KCNG2: variants seen among roughly 807,000 people sequenced by gnomAD.
The protein encoded by KCNG2 is voltage-gated potassium channel regulatory subunit KCNG2.
Under a neutral mutation model 12.3 loss-of-function variants are expected in KCNG2, and 7 were observed. The observed-to-expected ratio is 0.57, with a 90% CI of 0.32 to 1.07. The LOEUF is 1.07. KCNG2 is among the 50% of genes least tolerant of loss of function. The pLI, the probability that KCNG2 is intolerant of heterozygous loss-of-function variation, is 0.04. For synonymous variants in KCNG2, 414 were observed against 351.4 expected (o/e 1.18, Z -1.99); for missense variants, 703 against 726.0 (o/e 0.97, Z 0.36).
At chr18:79,799,836 G>A (rs1335778045) in intron 1 of KCNG2, among the ~76,000 whole-genome samples, 6 of 152,048 alleles carry the variant, frequency 3.9e-5, no homozygotes, top group Non-Finnish European at 7.4e-5. Context: ...GCTATGATTC[G>A]GGGTTTCTGC....
intron 1 of KCNG2, among the ~76,000 whole-genome samples, chr18:79,844,746 A>T (rs1978567265): frequency 6.6e-6 from 1 of 152,242 alleles, no homozygotes; most frequent in Non-Finnish European, 1.5e-5. Context: ...AAAAACGGTG[A>T]TATCAAGTGC....
chr18:79,859,780 G>GACTATTCA (rs1979147766), intron 2 of KCNG2, among the ~76,000 whole-genome samples: 1 of 152,202 alleles, frequency 6.6e-6, no homozygotes, highest in East Asian at 1.9e-4. Flanking sequence ...ACTGACGGTA[G>GACTATTCA]ATTTATGGGT....
At chr18:79,851,001 G>A (rs752627991) in intron 1 of KCNG2, among the ~76,000 whole-genome samples, 4 of 152,218 alleles carry the variant, frequency 2.6e-5, no homozygotes, top group Non-Finnish European at 5.9e-5. Context: ...CAGACCCCCA[G>A]AGAGGGTTCT....
chr18:79,801,038 A>G (rs1214441502), intron 1 of KCNG2, among the ~76,000 whole-genome samples: 2 of 152,186 alleles, frequency 1.3e-5, no homozygotes, highest in Admixed American at 1.3e-4. Context: ...CCCTCTGCAG[A>G]CAGCCATGCG....
chr18:79,860,450 A>G (rs1183157450), intron 2 of KCNG2, among the ~76,000 whole-genome samples: 5 of 152,058 alleles, frequency 3.3e-5, no homozygotes, highest in Non-Finnish European at 4.4e-5. Context: ...AATTTCTTCC[A>G]CCAATGTTTG....
At chr18:79,881,819 T>TTCACGA (rs1980306242) in intron 3 of KCNG2, among the ~76,000 whole-genome samples, 1 of 152,238 alleles carries the variant, frequency 6.6e-6, no homozygotes, top group Admixed American at 6.5e-5. Flanking sequence ...ACTGCCTGCT[T>TTCACGA]TCACGATTTG....
intron 1 of KCNG2, among the ~76,000 whole-genome samples, chr18:79,853,820 C>T (rs1978909815): frequency 6.6e-6 from 1 of 152,254 alleles, no homozygotes; most frequent in Non-Finnish European, 1.5e-5. Flanking sequence ...ATGTGGCTCC[C>T]TCCAGGGCCC....
intron 2 of KCNG2, among the ~76,000 whole-genome samples, chr18:79,858,996 C>T (rs1175678256): frequency 6.6e-6 from 1 of 152,100 alleles, no homozygotes; most frequent in African/African-American, 2.4e-5. Flanking sequence ...GGACTTGCAG[C>T]TCTTTTTTTT....
At chr18:79,811,775 T>C (rs570717090) in intron 1 of KCNG2, among the ~76,000 whole-genome samples, 1 of 152,230 alleles carries the variant, frequency 6.6e-6, no homozygotes, top group African/African-American at 2.4e-5. Flanking sequence ...AAATGAAAGA[T>C]ATAAAAAAGA....
intron 1 of KCNG2, among the ~76,000 whole-genome samples, chr18:79,844,355 T>C (rs530865918): frequency 2.0e-4 from 31 of 151,890 alleles, no homozygotes; most frequent in Non-Finnish European, 4.1e-4. Context: ...TCTAAGAAAG[T>C]TGAACTCACA....
intron 2 of KCNG2, among the ~76,000 whole-genome samples, chr18:79,861,282 T>G (rs1278141577): frequency 6.9e-6 from 1 of 145,864 alleles, no homozygotes; most frequent in African/African-American, 2.5e-5. Context: ...TCTTTTTTTT[T>G]TTTTTTTTTT....
chr18:79,849,500 T>C (rs1978742163), intron 1 of KCNG2, among the ~76,000 whole-genome samples: 1 of 152,240 alleles, frequency 6.6e-6, no homozygotes, highest in Non-Finnish European at 1.5e-5. Context: ...GAGCCGCATC[T>C]GGACAGGCCG....
At position 79,800,445 on chromosome 18, in the gene KCNG2, G is replaced by C. The variant is rs1179896985; in HGVS notation, c.-115+2431G>C. Reference sequence around the variant, plus strand: ...TGCCATCAGGTAGCCCAGCCGGTAGGCATGAGTCCAACGAGGGCGGGCATT... The same window carrying C: ...TGCCATCAGGTAGCCCAGCCGGTAGCCATGAGTCCAACGAGGGCGGGCATT... On this transcript the variant is annotated intron_variant, in intron 1 of 3. Coordinates refer to ENST00000316249, the MANE Select transcript of KCNG2 (RefSeq NM_012283.2). This position sits in a 1 kb window ranked among gnomAD's most constrained non-coding sequence, Gnocchi z 4.0. Among the ~76,000 whole-genome samples, 1 of 152,176 alleles carries C rather than the reference G, an allele frequency of 6.6e-6. No homozygotes were observed. Among genetic ancestry groups the C allele is most frequent in the Non-Finnish European group, 1.5e-5 (1 of 68,040 alleles).
At chr18:79,843,549 A>G (rs550468403) in intron 1 of KCNG2, among the ~76,000 whole-genome samples, 22 of 152,380 alleles carry the variant, frequency 1.4e-4, no homozygotes, top group Admixed American at 1.1e-3. Flanking sequence ...TAATTTGTTA[A>G]TGGATACATA....
intron 1 of KCNG2, among the ~76,000 whole-genome samples, chr18:79,809,443 G>A (rs1293672774): frequency 6.8e-6 from 1 of 146,172 alleles, no homozygotes; most frequent in Non-Finnish European, 1.5e-5. Flanking sequence ...CAGAGTCCTC[G>A]CCCTGAGGAG....
chr18:79,828,618 C>A (rs1978288118), intron 1 of KCNG2, among the ~76,000 whole-genome samples: 1 of 150,640 alleles, frequency 6.6e-6, no homozygotes, highest in African/African-American at 2.4e-5. Context: ...TGTAACGTGT[C>A]TATGATGTGT....
intron 3 of KCNG2, among the ~76,000 whole-genome samples, chr18:79,867,154 T>TA (rs906070927): frequency 2.0e-5 from 2 of 102,304 alleles, no homozygotes; most frequent in African/African-American, 6.0e-5. Context: ...GAGGTCTGGG[T>TA]ACCGAGGTCT....
intron 3 of KCNG2, among the ~76,000 whole-genome samples, chr18:79,890,146 T>C (rs1046738037): frequency 2.0e-5 from 3 of 152,198 alleles, no homozygotes; most frequent in Admixed American, 2.0e-4. Flanking sequence ...TCTTTTAACA[T>C]CGGTATTCAC....
chr18:79,815,225 A>G (rs1160912778), intron 1 of KCNG2, among the ~76,000 whole-genome samples: 2 of 151,932 alleles, frequency 1.3e-5, no homozygotes, highest in Non-Finnish European at 2.9e-5. Flanking sequence ...GATTGCTTGA[A>G]CCCAGGAGTT....
Sources: gnomAD v4.1 joint callset for allele counts (sites outside exome capture counted in the v4.1 genomes callset) on GRCh38, gnomAD v4.1.1 for gene constraint, Gnocchi (gnomAD v3.1) non-coding constraint, MANE v1.5 for transcripts, NCBI Gene and HGNC (gene_info 2026-07-23, HGNC 2026-07-21) for gene names.